The following NAV3 variants were observed in gnomAD, a reference collection of about 807,000 sequenced individuals.
NAV3 encodes the protein pore membrane and/or filament interacting like protein 1.
A neutral mutation model predicts 244.7 loss-of-function variants in NAV3; 87 were observed. The ratio of observed to expected loss-of-function variants is 0.36; its 90% CI spans 0.30 to 0.42. NAV3 has a LOEUF of 0.42. NAV3 is among the 20% of genes least tolerant of loss of function. The probability of loss-of-function intolerance (pLI) is 1.00; values close to 1 mark genes in which losing one functional copy is unlikely to be tolerated. For synonymous variants in NAV3, 1,126 were observed against 1,042.2 expected (o/e 1.08, Z -1.55); for missense variants, 2,663 against 2,893.3 (o/e 0.92, Z 1.83).
At chr12:78,186,680 C>T (rs1483837025) in intron 31 of NAV3, among the ~76,000 whole-genome samples, 1 of 151,764 alleles carries the variant, frequency 6.6e-6, no homozygotes, top group Non-Finnish European at 1.5e-5. Context: ...TGCCTTTGAA[C>T]ACTTTTTTCT....
chr12:77,639,888 C>T (rs1222411460), intron 2 of NAV3, among the ~76,000 whole-genome samples: 1 of 152,088 alleles, frequency 6.6e-6, no homozygotes, highest in African/African-American at 2.4e-5. Context: ...GACTGGAGGC[C>T]TAAAAAGATT....
chr12:77,593,433 T>C (rs923700827), intron 2 of NAV3, among the ~76,000 whole-genome samples: 3 of 151,360 alleles, frequency 2.0e-5, no homozygotes, highest in Admixed American at 2.0e-4. Context: ...CTCCCTTGTG[T>C]TTTTTTAATT....
At chr12:77,696,332 T>C (rs1291283975) in intron 2 of NAV3, among the ~76,000 whole-genome samples, 1 of 152,158 alleles carries the variant, frequency 6.6e-6, no homozygotes, top group Non-Finnish European at 1.5e-5. Flanking sequence ...TTGGCTTTGA[T>C]GAAACAAGCT....
intron 2 of NAV3, among the ~76,000 whole-genome samples, chr12:77,725,177 C>T (rs903528674): frequency 2.0e-5 from 3 of 151,862 alleles, no homozygotes; most frequent in African/African-American, 7.2e-5. Context: ...TTGGGAAATA[C>T]AACATGCTTC....
At chr12:77,651,860 G>T (rs1420426434) in intron 2 of NAV3, among the ~76,000 whole-genome samples, 1 of 152,164 alleles carries the variant, frequency 6.6e-6, no homozygotes, top group South Asian at 2.1e-4. Context: ...GCAACAACTG[G>T]TGTCCTGGGC....
intron 12 of NAV3, among the ~76,000 whole-genome samples, chr12:78,071,891 C>T (rs2137641942): frequency 6.6e-6 from 1 of 152,268 alleles, no homozygotes; most frequent in East Asian, 1.9e-4. Context: ...TCACTCAAAA[C>T]CGCTCAACTA....
At position 78,188,703 on chromosome 12, in the gene NAV3, A is replaced by G. The variant is rs753406535; in HGVS notation, c.5981A>G (p.Asn1994Ser). 8 of 1,612,532 alleles carry G rather than the reference A, an allele frequency of 5.0e-6. No individual in the cohort carries two copies. The South Asian group carries it at 8.8e-5, about 18-fold the overall frequency. Residue 1994 changes from asparagine (N) to serine (S), a missense_variant, in exon 33 of 40, where the codon AAC becomes AGC. By Grantham distance (46) the Asn-to-Ser change is conservative. This residue lies in a region of NAV3 where 543 missense variants were observed against 672.4 expected (regional missense o/e 0.81). Transcript: ENST00000397909. ...ATAGGAGACTTAATTAGATCCCATA[A>G]CCTAGAAGTGCCTGAATTGCTGCCT... Reference protein sequence around the residue: ...YCIGDLIRSHNLEVPELLPCG... With the variant: ...YCIGDLIRSHSLEVPELLPCG...
chr12:77,686,654 C>A (rs1306438746), intron 2 of NAV3, among the ~76,000 whole-genome samples: 2 of 151,842 alleles, frequency 1.3e-5, no homozygotes, highest in Non-Finnish European at 2.9e-5. Flanking sequence ...CATTATTATG[C>A]CCATTTATAG....
intron 9 of NAV3, among the ~76,000 whole-genome samples, chr12:78,045,322 G>C (rs1253013170): frequency 6.6e-6 from 1 of 151,976 alleles, no homozygotes; most frequent in African/African-American, 2.4e-5. Context: ...TTGAGGCAGA[G>C]TCTTGCTCCA....
intron 2 of NAV3, among the ~76,000 whole-genome samples, chr12:77,689,926 C>A (rs1874927998): frequency 1.3e-5 from 2 of 151,628 alleles, no homozygotes; most frequent in Non-Finnish European, 3.0e-5. Context: ...TGTTACAGTA[C>A]CCATCTGTAA....
At chr12:77,791,694 C>A (rs1248078092) in intron 2 of NAV3, among the ~76,000 whole-genome samples, 1 of 152,178 alleles carries the variant, frequency 6.6e-6, no homozygotes, top group Non-Finnish European at 1.5e-5. Context: ...ATAGTGAGCC[C>A]TCCATATCCA....
intron 12 of NAV3, among the ~76,000 whole-genome samples, chr12:78,108,258 A>C (rs759864130): frequency 6.6e-6 from 1 of 152,162 alleles, no homozygotes; most frequent in Non-Finnish European, 1.5e-5. Flanking sequence ...AATAGGAAAT[A>C]ACAACTCTAA....
intron 9 of NAV3, among the ~76,000 whole-genome samples, chr12:78,028,653 T>A (rs1878474412): frequency 6.6e-6 from 1 of 152,178 alleles, no homozygotes; most frequent in African/African-American, 2.4e-5. Context: ...CTTACCAGTT[T>A]ATTATTATGC....
chr12:78,158,012 TCTAA>T (rs573585642), intron 22 of NAV3, among the ~76,000 whole-genome samples: 1 of 152,124 alleles, frequency 6.6e-6, no homozygotes, highest in Non-Finnish European at 1.5e-5. Context: ...ACATGTACAT[TCTAA>T]CTGTTACCAA....
At chr12:77,971,251 G>A (rs1244678501) in intron 5 of NAV3, among the ~76,000 whole-genome samples, 1 of 152,070 alleles carries the variant, frequency 6.6e-6, no homozygotes, top group Non-Finnish European at 1.5e-5. Context: ...CTTTAAGGCT[G>A]TGGTAGACTT....
At chr12:77,680,458 A>G (rs1874400064) in intron 2 of NAV3, among the ~76,000 whole-genome samples, 2 of 152,022 alleles carry the variant, frequency 1.3e-5, no homozygotes, top group Non-Finnish European at 2.9e-5. Context: ...GGAATTCTCT[A>G]TTTCTCTGTT....
chr12:77,675,771 T>C (rs1033013015), intron 2 of NAV3, among the ~76,000 whole-genome samples: 4 of 152,186 alleles, frequency 2.6e-5, no homozygotes, highest in African/African-American at 9.6e-5. Context: ...GGGAAGGTTG[T>C]GCCTTGTGAG....
intron 1 of NAV3, among the ~76,000 whole-genome samples, chr12:77,858,312 G>A (rs561153235): frequency 6.6e-6 from 1 of 152,136 alleles, no homozygotes. Context: ...GGTTTAAGCG[G>A]AATTGGGTTC....
At position 77,779,337 on chromosome 12, in the gene NAV3, T is replaced by A. The variant is rs145274007; in HGVS notation, c.73-160982T>A. Among the ~76,000 whole-genome samples, 116 of 152,312 alleles carry A rather than the reference T, an allele frequency of 7.6e-4. 1 individual carries two copies. Among genetic ancestry groups the A allele is most frequent in the African/African-American group, 2.7e-3 (113 of 41,558 alleles). Reference sequence around the variant, plus strand: ...AACCAACCATTCCAGTAAAATGGACTTATTCCAAAACCGAGTTCTATATAG... The same window carrying A: ...AACCAACCATTCCAGTAAAATGGACATATTCCAAAACCGAGTTCTATATAG... On this transcript the variant is annotated intron_variant, in intron 2 of 8. Coordinates refer to the NAV3 transcript ENST00000550042.
Sources: gnomAD v4.1 joint callset for allele counts (sites outside exome capture counted in the v4.1 genomes callset) on GRCh38, gnomAD v4.1.1 for gene constraint, gnomAD v4.1.1 regional missense constraint, MANE v1.5 for transcripts, NCBI Gene and HGNC (gene_info 2026-07-23, HGNC 2026-07-21) for gene names.